The following LRRC59 variants were observed in gnomAD, a reference collection of about 807,000 sequenced individuals.
LRRC59 encodes the protein leucine rich repeat containing 59, also known as leucine-rich repeat-containing protein 59.
LRRC59 carries 18 observed loss-of-function variants against 33.5 expected under a neutral mutation model. That is an observed-to-expected ratio of 0.54 (90% CI 0.37 to 0.80). LRRC59 has a LOEUF of 0.80. Ranked by LOEUF, LRRC59 falls within the 30% of genes least tolerant of loss-of-function variation. LRRC59 has a pLI of 0.00. For synonymous variants in LRRC59, 138 were observed against 160.0 expected, an observed-to-expected ratio of 0.86 and a Z score of 1.04; for missense variants, 330 against 391.9, an observed-to-expected ratio of 0.84 and a Z score of 1.33.
intron 4 of LRRC59, among the ~76,000 whole-genome samples, chr17:50,388,859 G>T (rs943859227): frequency 6.6e-6 from 1 of 152,114 alleles, no homozygotes; most frequent in African/African-American, 2.4e-5. Flanking sequence ...TTCAACACAG[G>T]ACATTGTAGC....
In LRRC59 at chr17:50,382,319, G is replaced by A. The variant is rs1013326063; in HGVS notation, c.*669C>T. ...TAAAGGAGGGAAAATGATGTAAAGG[G>A]AAGAAAGAATACCAGAGTGGGAATC... is the stretch of plus-strand genomic sequence containing the variant. On this transcript the variant is annotated 3_prime_UTR_variant, in exon 7 of 7. Coordinates refer to ENST00000225972, the MANE Select transcript of LRRC59 (RefSeq NM_018509.4). 3 of 152,434 alleles carry A rather than the reference G, an allele frequency of 2.0e-5. No homozygotes were observed. Among genetic ancestry groups the A allele is most frequent in the African/African-American group, 7.2e-5 (3 of 41,438 alleles). 9.4% of individuals were successfully genotyped at this position (152,434 alleles called of 1,614,324 possible).
rs1914310776 is a variant in LRRC59 at position 50,397,485 on chromosome 17, C to T, written c.-168G>A. 7.7e-6 allele frequency: 4 copies of T among 517,542 alleles called. No individual in the cohort carries two copies. The South Asian group carries it at 9.8e-5, about 13-fold the overall frequency. The allele number at this position is 517,542 out of a possible 1,614,324, so 32.1% of individuals were successfully genotyped here. A position where few individuals can be genotyped will look rare whatever the true frequency, so the allele number is the denominator to read the frequency against. On this transcript the variant is annotated 5_prime_UTR_variant, in exon 1 of 7. Coordinates refer to ENST00000225972, the MANE Select transcript of LRRC59 (RefSeq NM_018509.4). Reference sequence around the variant, plus strand: ...CGCTGGCCGCACTCCGAGCCTCGCGCCTAGCTCCCACCGGTGCCGCGACGA... The same window carrying T: ...CGCTGGCCGCACTCCGAGCCTCGCGTCTAGCTCCCACCGGTGCCGCGACGA...
intron 6 of LRRC59, among the ~76,000 whole-genome samples, 169 bp downstream of exon 6, chr17:50,384,949 C>A (rs1326900910): frequency 6.6e-6 from 1 of 152,088 alleles, no homozygotes; most frequent in African/African-American, 2.4e-5. Context: ...CACTGCCTCC[C>A]TAGGAGAGTC....
At chr17:50,383,334 C>G in intron 6 of LRRC59, 99 bp from the exon 7 acceptor site, 1 of 1,412,578 alleles carries the variant, frequency 7.1e-7, no homozygotes, top group Non-Finnish European at 9.3e-7. Flanking sequence ...TACCTACATT[C>G]CTTCCTCAAG....
intron 2 of LRRC59, among the ~76,000 whole-genome samples, chr17:50,393,882 G>T (rs1028921726): frequency 2.0e-5 from 3 of 152,150 alleles, no homozygotes; most frequent in Admixed American, 2.0e-4. Flanking sequence ...TTAGAGGCGG[G>T]ATCTTGCTAT....
rs780746800 is a variant in LRRC59 at position 50,382,991 on chromosome 17, C to T, written c.921G>A (p.Gln307=). Reference sequence around the variant, plus strand: ...GCAGCAGGTGCTGGGGACAAGCTCACTGCTGAGAGTCGGTCTGGAGGACCC... The same window carrying T: ...GCAGCAGGTGCTGGGGACAAGCTCATTGCTGAGAGTCGGTCTGGAGGACCC... ...LQWVLQTDSQ[Q] is the part of the protein sequence containing the mutation. The change falls in exon 7 of 7, where the codon CAG becomes CAA. Residue 307 remains glutamine, a synonymous_variant. Coordinates refer to ENST00000225972, the MANE Select transcript of LRRC59 (RefSeq NM_018509.4). The T allele has an allele frequency of 1.2e-6, 2 of 1,612,320 alleles. No individual in the cohort carries two copies. The highest frequency in any genetic ancestry group is 1.7e-6 in the Non-Finnish European group (2 of 1,179,642).
chr17:50,393,391 G>A (rs1212119101), intron 2 of LRRC59, among the ~76,000 whole-genome samples: 2 of 147,494 alleles, frequency 1.4e-5, no homozygotes, highest in Non-Finnish European at 3.0e-5. Flanking sequence ...TCCTTCCACA[G>A]CACCCTATGC....
Position 50,394,923 on chromosome 17 carries a change from T to C in LRRC59, c.165+6A>G. The stretch of plus-strand genomic sequence containing the variant: ...AGAAGGAGTCACGGCTGCATGCCAA[T>C]CTTACCGGTAGAGTAGTCAGTTTAT... On this transcript the variant is annotated splice_donor_region_variant and intron_variant, in intron 2 of 6. Transcript: ENST00000225972. 6.3e-7 allele frequency: 1 copy of C among 1,575,718 alleles called. No homozygotes were observed. Among genetic ancestry groups the C allele is most frequent in the South Asian group, 1.1e-5 (1 of 87,788 alleles).
intron 4 of LRRC59, among the ~76,000 whole-genome samples, chr17:50,389,763 A>T (rs1181351924): frequency 6.6e-6 from 1 of 152,160 alleles, no homozygotes; most frequent in Non-Finnish European, 1.5e-5. Context: ...CCATCATAAG[A>T]AGTATTCAGG....
At chr17:50,387,645 T>C (rs953692173) in intron 5 of LRRC59, among the ~76,000 whole-genome samples, 5 of 152,122 alleles carry the variant, frequency 3.3e-5, no homozygotes, top group Non-Finnish European at 5.9e-5. Flanking sequence ...CAGTCCCACA[T>C]AGGACTTGCT....
At position 50,397,404 on chromosome 17, in the gene LRRC59, A is replaced by C. The variant is rs1598372203; in HGVS notation, c.-87T>G. ...TCGCTTGTCAGTTCAGCGGCCCCCC[A>C]CCCAAACGACGACGCCTGAGCCCTC... On this transcript the variant is annotated 5_prime_UTR_variant, in exon 1 of 7. Transcript: ENST00000225972. The C allele has an allele frequency of 9.9e-7, 1 of 1,014,044 alleles. No individual in the cohort carries two copies. 62.8% of individuals were successfully genotyped at this position (1,014,044 alleles called of 1,614,324 possible). A position where few individuals can be genotyped will look rare whatever the true frequency, so the allele number is the denominator to read the frequency against.
chr17:50,388,304 C>T (rs748431930), intron 4 of LRRC59, among the ~76,000 whole-genome samples, 172 bp from the exon 5 acceptor site: 7 of 152,076 alleles, frequency 4.6e-5, no homozygotes, highest in Non-Finnish European at 8.8e-5. Context: ...TCTGGGAAGC[C>T]GAGATAGAAG....
At chr17:50,387,259 T>C (rs1033663861) in intron 5 of LRRC59, among the ~76,000 whole-genome samples, 1 of 152,186 alleles carries the variant, frequency 6.6e-6, no homozygotes, top group African/African-American at 2.4e-5. Flanking sequence ...AAGCCAGCAC[T>C]TAAAGAGACT....
chr17:50,396,866 C>T (rs1197585235), intron 1 of LRRC59: 4 of 362,250 alleles, frequency 1.1e-5, no homozygotes, highest in Admixed American at 4.6e-5. Flanking sequence ...CATTCATTCT[C>T]GAATACATCC....
chr17:50,385,242 C>G lies in LRRC59; in HGVS notation c.552G>C (p.Glu184Asp). 1 of 1,614,180 alleles carries G rather than the reference C, an allele frequency of 6.2e-7. No homozygotes were observed. Among genetic ancestry groups the G allele is most frequent in the East Asian group, 2.2e-5 (1 of 44,884 alleles). The change falls in exon 6 of 7, where the codon GAG becomes GAC. Residue 184 changes from glutamate to aspartate, a missense_variant. Glu to Asp is a conservative substitution (Grantham distance 45, BLOSUM62 2). Transcript: ENST00000225972. ...CCTTCTCCCGCTTCCGCAGTTCCCG[C>G]TCCTGAGCTTCCTTAGCTCGCTGCT... ...EAKQRAKEAQ[E>D]RELRKREKAE...
rs1913835109 is a variant in LRRC59, at chr17:50,381,394, T to C, written c.*1594A>G. 5.5e-6 allele frequency: 1 copy of C among 180,540 alleles called. No homozygotes were observed. Among genetic ancestry groups the C allele is most frequent in the Non-Finnish European group, 1.2e-5 (1 of 83,790 alleles). The allele number at this position is 180,540 out of a possible 1,614,324, so 11.2% of individuals were successfully genotyped here. On this transcript the variant is annotated 3_prime_UTR_variant, in exon 7 of 7. Coordinates refer to ENST00000225972, the MANE Select transcript of LRRC59 (RefSeq NM_018509.4). ...GGATTATGATGACTATGCGGACTTCTATATTGTCTTCATCTCATTGTGTGT... is the reference window on the plus strand; with the variant it reads ...GGATTATGATGACTATGCGGACTTCCATATTGTCTTCATCTCATTGTGTGT...
At position 50,383,196 on chromosome 17, in the gene LRRC59, C is replaced by T. The variant is rs560351406; in HGVS notation, c.716G>A (p.Arg239Gln). 54 of 1,557,930 alleles carry T rather than the reference C, an allele frequency of 3.5e-5. 1 individual carries two copies. The highest frequency in any genetic ancestry group is 3.0e-4 in the South Asian group (25 of 84,626). ...CACAGCCCAGGAACGAGTGTGCTTC[C>T]GGGGTGGTGGCTTGCGGGGACGGGA... Reference protein sequence around the residue: ...SGSRPRKPPPRKHTRSWAVLK... With the variant: ...SGSRPRKPPPQKHTRSWAVLK... Residue 239 changes from arginine to glutamine, a missense_variant, in exon 7 of 7, where the codon CGG (arginine) becomes CAG (glutamine). Transcript: ENST00000225972.
chr17:50,383,159 C>G lies in LRRC59; in HGVS notation c.753G>C (p.Leu251=). The part of the protein sequence containing the change: ...HTRSWAVLKL[L]LLLLLFGVAG... ...CCACACCAAATAGCAGCAGCAGCAG[C>G]AGCAGCTTCAGCACAGCCCAGGAAC... Residue 251 remains leucine (L), a synonymous_variant, in exon 7 of 7, where the codon CTG becomes CTC. Coordinates refer to ENST00000225972, the MANE Select transcript of LRRC59 (RefSeq NM_018509.4). 1 of 1,573,830 alleles carries G rather than the reference C, an allele frequency of 6.4e-7. No individual in the cohort carries two copies. Among genetic ancestry groups the G allele is most frequent in the Non-Finnish European group, 8.6e-7 (1 of 1,160,030 alleles).
At chr17:50,384,256 T>C (rs577601748) in intron 6 of LRRC59, among the ~76,000 whole-genome samples, 1 of 152,068 alleles carries the variant, frequency 6.6e-6, no homozygotes, top group East Asian at 2.0e-4. Flanking sequence ...CCCAGGCTGG[T>C]CGTAAATGAT....
Sources: allele counts gnomAD v4.1 joint callset (sites outside exome capture counted in the v4.1 genomes callset), GRCh38; gene constraint gnomAD v4.1.1; transcripts MANE v1.5; gene names NCBI Gene and HGNC (gene_info 2026-07-23, HGNC 2026-07-21).